The following XG variants were observed in gnomAD, a reference collection of about 807,000 sequenced individuals.
XG encodes glycoprotein Xg.
XG carries 24 observed loss-of-function variants against 25.7 expected under a neutral mutation model. That is an observed-to-expected ratio of 0.93 (90% CI 0.68 to 1.31). The LOEUF (loss-of-function observed/expected upper bound fraction) is 1.31. XG is among the 40% of genes most tolerant of loss of function. The pLI, the probability that XG is intolerant of heterozygous loss-of-function variation, is 0.00. For missense variants in XG, 181 were observed against 187.6 expected, an observed-to-expected ratio of 0.96 and a Z score of 0.21; for synonymous variants, 77 against 69.2, an observed-to-expected ratio of 1.11 and a Z score of -0.56.
chrX:2,793,780 G>A (rs2086858110), intron 5 of XG, among the ~76,000 whole-genome samples: 1 of 111,714 alleles, frequency 9.0e-6, no homozygotes, highest in Non-Finnish European at 1.9e-5. Context: ...AGAGTGGATC[G>A]TGGGGACCTG....
intron 2 of XG, among the ~76,000 whole-genome samples, chrX:2,771,306 C>G (rs1269999811): frequency 6.6e-6 from 1 of 152,134 alleles, no homozygotes; most frequent in Non-Finnish European, 1.5e-5. Flanking sequence ...TCCATGGCCT[C>G]CAATCTCCCC....
intron 3 of XG, among the ~76,000 whole-genome samples, chrX:2,780,425 T>TTTAAA (rs1556369958): frequency 1.6e-5 from 2 of 126,664 alleles, no homozygotes; most frequent in African/African-American, 3.1e-5. Flanking sequence ...TTTTTTTTTC[T>TTTAAA]AAAAAAAAAA....
intron 1 of XG, among the ~76,000 whole-genome samples, chrX:2,766,481 G>A (rs1016609823): frequency 1.1e-4 from 13 of 117,782 alleles, no homozygotes; most frequent in Admixed American, 9.3e-4. Context: ...TTCCGGGTAT[G>A]GGGCTGGGAG....
At chrX:2,763,403 G>A (rs930519255) in intron 1 of XG, among the ~76,000 whole-genome samples, 4 of 151,120 alleles carry the variant, frequency 2.6e-5, no homozygotes, top group African/African-American at 4.9e-5. Context: ...GCTCATAGAC[G>A]TTGGGTAAGA....
chrX:2,757,024 A>G (rs1313982093), intron 1 of XG, among the ~76,000 whole-genome samples: 8 of 152,172 alleles, frequency 5.3e-5, no homozygotes, highest in Admixed American at 5.2e-4. Flanking sequence ...GAAGGATGGT[A>G]AATGCAGAAG....
chrX:2,783,707 G>A (rs1025843040), intron 4 of XG, among the ~76,000 whole-genome samples: 13 of 112,915 alleles, frequency 1.2e-4, no homozygotes, highest in Non-Finnish European at 1.9e-4. Flanking sequence ...GGGCGTGGGG[G>A]CTCACGCCTG....
intron 10 of XG, among the ~76,000 whole-genome samples, chrX:2,812,187 C>T (rs950186087): frequency 1.8e-5 from 2 of 110,981 alleles, no homozygotes; most frequent in Admixed American, 1.9e-4. Context: ...AGAAAACTAC[C>T]GAAACACTGA....
intron 4 of XG, among the ~76,000 whole-genome samples, chrX:2,782,885 C>A (rs1323139093): frequency 9.0e-6 from 1 of 111,580 alleles, no homozygotes; most frequent in Non-Finnish European, 1.9e-5. Context: ...AGAAGGGGGT[C>A]TTTTTGGGAA....
intron 1 of XG, 131 bp from the exon 2 acceptor site, chrX:2,770,419 T>C (rs2050791920): frequency 2.2e-6 from 2 of 901,732 alleles, no homozygotes; most frequent in African/African-American, 1.6e-5. Flanking sequence ...ATGTAGCTCA[T>C]GGTCAGGTTA....
Position 2,770,602 on chromosome X carries a change from A to G in XG, c.103+11A>G, listed in dbSNP as rs1279168781. On this transcript the variant is annotated intron_variant, in intron 2 of 10. Coordinates refer to ENST00000644266, the MANE Select transcript of XG (RefSeq NM_001141919.2). ...CCCTTGATGACCCTGGTAAGTGCCG[A>G]TATTTCAAGGGGAGCCTTCCCTTTT... 3 of 1,613,880 alleles carry G rather than the reference A, an allele frequency of 1.9e-6. No homozygotes were observed. In the South Asian group the frequency reaches 3.3e-5, roughly 18 times the overall value.
At chrX:2,801,823 C>G (rs1447187259) in intron 7 of XG, among the ~76,000 whole-genome samples, 2 of 111,307 alleles carry the variant, frequency 1.8e-5, no homozygotes, top group African/African-American at 6.6e-5. Flanking sequence ...ATTCTCCTGC[C>G]TCAGCCTCCC....
chrX:2,787,084 G>A (rs1052145558), intron 4 of XG, among the ~76,000 whole-genome samples: 2 of 108,709 alleles, frequency 1.8e-5, no homozygotes, highest in African/African-American at 6.7e-5. Flanking sequence ...GGAGAAGATG[G>A]CATCTGCAAG....
Position 2,782,094 on chromosome X carries a change from C to G in XG, c.156C>G (p.Tyr52Ter), listed in dbSNP as rs1345430005. The change falls in exon 4 of 11, where the codon TAC (tyrosine) becomes TAG (stop). Residue 52 changes from tyrosine (Y) to a stop codon, truncating the protein, a stop_gained. Transcript: ENST00000644266. LOFTEE classifies it high-confidence loss of function. The part of the protein sequence containing the change: ...SDIYPKPKPP[Y>*]YPQPENPDSG... ...TCTACCCAAAGCCAAAACCACCTTA[C>G]TACCCACAGCCCGAGAATCCCGACA... 8 of 1,210,274 alleles carry G rather than the reference C, an allele frequency of 6.6e-6. No individual in the cohort carries two copies. Among genetic ancestry groups the G allele is most frequent in the African/African-American group, 3.5e-5 (2 of 57,246 alleles).
At chrX:2,774,485 G>A (rs2050930469) in intron 2 of XG, among the ~76,000 whole-genome samples, 1 of 152,018 alleles carries the variant, frequency 6.6e-6, no homozygotes, top group Non-Finnish European at 1.5e-5. Context: ...AGCTACTTTG[G>A]CCATCCTGTG....
chrX:2,766,690 G>C (rs1452419271), intron 1 of XG, among the ~76,000 whole-genome samples: 1 of 147,390 alleles, frequency 6.8e-6, no homozygotes, highest in Non-Finnish European at 1.5e-5. Context: ...TCAGCCTCCC[G>C]AGTAGCTGGG....
intron 1 of XG, among the ~76,000 whole-genome samples, chrX:2,763,402 C>T (rs191129935): frequency 1.5e-4 from 22 of 150,550 alleles, no homozygotes; most frequent in East Asian, 9.9e-4. Flanking sequence ...GGCTCATAGA[C>T]GTTGGGTAAG....
At chrX:2,769,775 T>A (rs2050773288) in intron 1 of XG, among the ~76,000 whole-genome samples, 1 of 152,202 alleles carries the variant, frequency 6.6e-6, no homozygotes, top group East Asian at 1.9e-4. Context: ...TTGGATCAGG[T>A]AGGAACCTCA....
chrX:2,777,152 A>G (rs2051016738), intron 3 of XG, among the ~76,000 whole-genome samples: 3 of 152,240 alleles, frequency 2.0e-5, no homozygotes, highest in Non-Finnish European at 4.4e-5. Context: ...AGACATTGCA[A>G]ACAAGCCGGT....
intron 3 of XG, 106 bp downstream of exon 3, chrX:2,774,845 G>T: frequency 7.0e-7 from 1 of 1,429,160 alleles, no homozygotes; most frequent in Non-Finnish European, 9.9e-7. Flanking sequence ...ATATGAAAGA[G>T]ATGCAACAAC....
Sources: allele counts gnomAD v4.1 joint callset (sites outside exome capture counted in the v4.1 genomes callset), GRCh38; gene constraint gnomAD v4.1.1; transcripts MANE v1.5; gene names NCBI Gene and HGNC (gene_info 2026-07-23, HGNC 2026-07-21).